CCDC60: variants seen among roughly 807,000 people sequenced by gnomAD.
CCDC60 encodes the protein coiled-coil domain-containing protein 60.
In CCDC60, 54 loss-of-function variants were observed where a neutral mutation model predicts 63.5. The ratio of observed to expected loss-of-function variants is 0.85; its 90% CI spans 0.68 to 1.07. The LOEUF is 1.07. Ranked by LOEUF, CCDC60 falls within the 50% of genes least tolerant of loss-of-function variation. The probability of loss-of-function intolerance (pLI) is 0.00; values close to 1 mark genes in which losing one functional copy is unlikely to be tolerated. For missense variants in CCDC60, 651 were observed against 684.3 expected (o/e 0.95, Z 0.54); for synonymous variants, 206 against 238.8 (o/e 0.86, Z 1.27).
At chr12:119,473,449 T>C (rs1282956214) in intron 3 of CCDC60, among the ~76,000 whole-genome samples, 1 of 152,192 alleles carries the variant, frequency 6.6e-6, no homozygotes, top group African/African-American at 2.4e-5. Flanking sequence ...TAGCTGTTCA[T>C]AGATTAATTT....
chr12:119,484,907 A>G (rs1566035597), intron 4 of CCDC60, among the ~76,000 whole-genome samples: 1 of 152,164 alleles, frequency 6.6e-6, no homozygotes, highest in Non-Finnish European at 1.5e-5. Flanking sequence ...TCAAGTAATC[A>G]GGTAGTTACA....
intron 4 of CCDC60, among the ~76,000 whole-genome samples, chr12:119,480,296 T>G (rs147931690): frequency 1.1e-3 from 168 of 152,274 alleles, no homozygotes; most frequent in African/African-American, 3.8e-3. Flanking sequence ...TAAACTCACC[T>G]ATTCAGGGTC....
chr12:119,442,740 A>G (rs1451780663), intron 2 of CCDC60, among the ~76,000 whole-genome samples: 2 of 152,244 alleles, frequency 1.3e-5, no homozygotes, highest in African/African-American at 4.8e-5. Context: ...AGAATGTAGC[A>G]TTATTTACCT....
chr12:119,437,014 C>T (rs1950338526), intron 2 of CCDC60, among the ~76,000 whole-genome samples: 1 of 152,166 alleles, frequency 6.6e-6, no homozygotes, highest in Admixed American at 6.5e-5. Flanking sequence ...GCTAGTTTGC[C>T]AACCAAGGAG....
intron 2 of CCDC60, among the ~76,000 whole-genome samples, chr12:119,442,618 G>C (rs1409864659): frequency 1.3e-5 from 2 of 152,158 alleles, no homozygotes; most frequent in African/African-American, 2.4e-5. Flanking sequence ...GATAAGGACT[G>C]TTTAAAACCA....
At chr12:119,439,869 G>T in intron 2 of CCDC60, among the ~76,000 whole-genome samples, 1 of 152,126 alleles carries the variant, frequency 6.6e-6, no homozygotes. Flanking sequence ...CCATATAGCC[G>T]ACTAGACACC....
At chr12:119,411,321 A>G (rs909380639) in intron 1 of CCDC60, among the ~76,000 whole-genome samples, 2 of 152,156 alleles carry the variant, frequency 1.3e-5, no homozygotes, top group Admixed American at 6.5e-5. Context: ...GATGGAAGGG[A>G]GGAGGCCAGA....
intron 1 of CCDC60, among the ~76,000 whole-genome samples, chr12:119,366,791 G>A (rs993920509): frequency 6.6e-6 from 1 of 152,138 alleles, no homozygotes; most frequent in Non-Finnish European, 1.5e-5. Flanking sequence ...ACGAGCCAGA[G>A]GATACCTCCT....
chr12:119,527,548 C>G (rs2136518162), intron 11 of CCDC60, among the ~76,000 whole-genome samples: 1 of 151,656 alleles, frequency 6.6e-6, no homozygotes, highest in South Asian at 2.1e-4. Flanking sequence ...CTGGGGCATA[C>G]AGTGTTTGCA....
intron 1 of CCDC60, among the ~76,000 whole-genome samples, chr12:119,417,508 C>T (rs1370508420): frequency 6.6e-6 from 1 of 152,130 alleles, no homozygotes; most frequent in Non-Finnish European, 1.5e-5. Flanking sequence ...TACAATCCTC[C>T]TTCCCAGAGC....
chr12:119,507,016 T>C (rs978133917), intron 7 of CCDC60, among the ~76,000 whole-genome samples: 1 of 152,158 alleles, frequency 6.6e-6, no homozygotes, highest in African/African-American at 2.4e-5. Flanking sequence ...CCCCATCTGC[T>C]GTGTCCCCTC....
At chr12:119,524,812 G>T (rs749326350) in intron 11 of CCDC60, among the ~76,000 whole-genome samples, 1 of 145,792 alleles carries the variant, frequency 6.9e-6, no homozygotes, top group Non-Finnish European at 1.5e-5. Flanking sequence ...AGCCTCGAGT[G>T]ATAAGTTTTT....
chr12:119,355,292 C>G (rs1325283716), intron 1 of CCDC60, among the ~76,000 whole-genome samples: 1 of 152,152 alleles, frequency 6.6e-6, no homozygotes, highest in African/African-American at 2.4e-5. Flanking sequence ...ATACTCAGAG[C>G]TCATTAAAAC....
chr12:119,481,602 T>A (rs1951319785), intron 4 of CCDC60, among the ~76,000 whole-genome samples: 1 of 152,080 alleles, frequency 6.6e-6, no homozygotes, highest in Non-Finnish European at 1.5e-5. Context: ...AGGAATCTTT[T>A]TTTTTAATTT....
intron 1 of CCDC60, among the ~76,000 whole-genome samples, chr12:119,336,247 T>TAA (rs147828324): frequency 2.6e-5 from 4 of 150,974 alleles, no homozygotes; most frequent in South Asian, 2.1e-4. Context: ...AGTATAATAA[T>TAA]ACAAAAAAAG....
chr12:119,411,188 A>C (rs1047692139), intron 1 of CCDC60, among the ~76,000 whole-genome samples: 12 of 152,192 alleles, frequency 7.9e-5, no homozygotes, highest in African/African-American at 2.9e-4. Flanking sequence ...TGTTATCTAA[A>C]GGTAGTAAAC....
At chr12:119,339,213 C>A (rs1435614114) in intron 1 of CCDC60, among the ~76,000 whole-genome samples, 1 of 152,030 alleles carries the variant, frequency 6.6e-6, no homozygotes, top group African/African-American at 2.4e-5. Flanking sequence ...ATAGGATTAC[C>A]ACGGACCCAC....
intron 2 of CCDC60, among the ~76,000 whole-genome samples, chr12:119,447,529 A>G (rs987685753): frequency 1.3e-5 from 2 of 152,090 alleles, no homozygotes; most frequent in Non-Finnish European, 2.9e-5. Flanking sequence ...CCCTGGAAAA[A>G]GCCTCTCTCC....
intron 1 of CCDC60, among the ~76,000 whole-genome samples, chr12:119,386,743 G>T (rs1956067317): frequency 6.6e-6 from 1 of 152,104 alleles, no homozygotes; most frequent in Non-Finnish European, 1.5e-5. Flanking sequence ...AAGACTAATG[G>T]TACCCAACTC....
Sources: gnomAD v4.1 joint callset for allele counts (sites outside exome capture counted in the v4.1 genomes callset) on GRCh38, gnomAD v4.1.1 for gene constraint, MANE v1.5 for transcripts, NCBI Gene and HGNC (gene_info 2026-07-23, HGNC 2026-07-21) for gene names.